PDE3B: variants seen among roughly 807,000 people sequenced by gnomAD.
PDE3B encodes phosphodiesterase 3B, also known as cGMP-inhibited 3',5'-cyclic phosphodiesterase 3B.
A neutral mutation model predicts 116.8 loss-of-function variants in PDE3B; 66 were observed. The observed-to-expected ratio is 0.56, with a 90% CI of 0.46 to 0.69. PDE3B has a LOEUF of 0.69. PDE3B is among the 30% of genes least tolerant of loss of function. PDE3B has a pLI of 0.00. For missense variants in PDE3B, 1,384 were observed against 1,368.1 expected (o/e 1.01, Z -0.18); for synonymous variants, 595 against 533.6 (o/e 1.12, Z -1.59).
intron 1 of PDE3B, among the ~76,000 whole-genome samples, chr11:14,738,018 T>C (rs1856652616): frequency 6.6e-6 from 1 of 152,128 alleles, no homozygotes; most frequent in East Asian, 1.9e-4. Context: ...CAGTCTATCA[T>C]TGTTGAACAT....
chr11:14,801,396 T>C (rs922451058), intron 4 of PDE3B, among the ~76,000 whole-genome samples: 1 of 152,248 alleles, frequency 6.6e-6, no homozygotes, highest in Non-Finnish European at 1.5e-5. Context: ...GCCCCTTTGC[T>C]TCCGGTCTGC....
intron 4 of PDE3B, among the ~76,000 whole-genome samples, chr11:14,792,975 T>C (rs1009808239): frequency 6.6e-5 from 10 of 150,460 alleles, no homozygotes; most frequent in African/African-American, 2.5e-4. Flanking sequence ...ACTACTCCTC[T>C]AAAGCCTGTT....
intron 1 of PDE3B, among the ~76,000 whole-genome samples, chr11:14,704,152 A>G (rs1855458569): frequency 6.6e-6 from 1 of 151,786 alleles, no homozygotes; most frequent in Non-Finnish European, 1.5e-5. Flanking sequence ...AGCAATATTC[A>G]TGATAAAAAG....
At chr11:14,797,769 A>G (rs1208735042) in intron 4 of PDE3B, among the ~76,000 whole-genome samples, 2 of 152,108 alleles carry the variant, frequency 1.3e-5, no homozygotes, top group South Asian at 2.1e-4. Flanking sequence ...TGATTTTTGC[A>G]TATTGATTTT....
In PDE3B at chr11:14,777,578, C is replaced by G. The variant is rs142608256; in HGVS notation, c.1029+5591C>G. 4.5e-3 allele frequency among the ~76,000 whole-genome samples: 686 copies of G among 152,196 alleles called. 3 individuals are homozygous for G. Among genetic ancestry groups the G allele is most frequent in the African/African-American group, 0.015 (612 of 41,522 alleles). ...AGATTTCTCATTTAAAACCATGAAGCCCAGAAGGAAGTGGCAGAACACTTT... is the reference window on the plus strand; with the variant it reads ...AGATTTCTCATTTAAAACCATGAAGGCCAGAAGGAAGTGGCAGAACACTTT... On this transcript the variant is annotated intron_variant, in intron 2 of 15. Coordinates refer to ENST00000282096, the MANE Select transcript of PDE3B (RefSeq NM_000922.4).
In PDE3B at chr11:14,681,735, T is replaced by G. The variant is rs1236408518; in HGVS notation, c.978+36682T>G. On this transcript the variant is annotated intron_variant, in intron 1 of 15. Transcript: ENST00000282096. ...TAGTATATAGAAATACAATTGAGTT[T>G]TGTGTGTTGGCTTTGTATTCTGTGA... 5.3e-5 allele frequency among the ~76,000 whole-genome samples: 8 copies of G among 152,328 alleles called. No individual in the cohort carries two copies. In the South Asian group the frequency reaches 1.7e-3, roughly 32 times the overall value.
the PDE3B span, chr11:14,879,319 A>G: frequency 6.2e-7 from 1 of 1,613,206 alleles, no homozygotes; most frequent in Non-Finnish European, 8.5e-7. Context: ...TCCCTAATGG[A>G]ACTATATTAC....
At chr11:14,793,647 C>T (rs965656561) in intron 4 of PDE3B, among the ~76,000 whole-genome samples, 1 of 152,108 alleles carries the variant, frequency 6.6e-6, no homozygotes, top group Non-Finnish European at 1.5e-5. Context: ...TCTTTTTGAA[C>T]AGGTTTTCCC....
the PDE3B span, among the ~76,000 whole-genome samples, chr11:14,897,303 A>G: frequency 1.3e-5 from 2 of 152,188 alleles, no homozygotes; most frequent in South Asian, 4.1e-4. Flanking sequence ...TAATACCCTG[A>G]TGATGATGAA....
chr11:14,745,379 C>G (rs1856884939), intron 1 of PDE3B, among the ~76,000 whole-genome samples: 1 of 151,892 alleles, frequency 6.6e-6, no homozygotes, highest in Admixed American at 6.6e-5. Flanking sequence ...TGTGATCTAA[C>G]TATATTGATT....
the PDE3B span, among the ~76,000 whole-genome samples, chr11:14,893,929 G>T: frequency 6.6e-6 from 1 of 152,102 alleles, no homozygotes; most frequent in Non-Finnish European, 1.5e-5. Flanking sequence ...CAGATATGGG[G>T]GAAAATATTC....
chr11:14,718,014 T>C (rs1373001405), intron 1 of PDE3B, among the ~76,000 whole-genome samples: 5 of 149,856 alleles, frequency 3.3e-5, no homozygotes, highest in Admixed American at 6.6e-5. Flanking sequence ...GTGTGCTGTA[T>C]TCAGGAAACC....
chr11:14,835,355 T>G (rs867846052), intron 11 of PDE3B, among the ~76,000 whole-genome samples: 32 of 152,330 alleles, frequency 2.1e-4, no homozygotes, highest in African/African-American at 7.5e-4. Flanking sequence ...CTATCATGTT[T>G]CCTTCTTTCC....
chr11:14,726,821 G>A (rs959626523), intron 1 of PDE3B, among the ~76,000 whole-genome samples: 1 of 152,170 alleles, frequency 6.6e-6, no homozygotes, highest in Non-Finnish European at 1.5e-5. Context: ...AATCAGACTG[G>A]AGTATGACAG....
the PDE3B span, among the ~76,000 whole-genome samples, chr11:14,881,173 A>C: frequency 6.6e-6 from 1 of 152,164 alleles, no homozygotes; most frequent in Non-Finnish European, 1.5e-5. Flanking sequence ...TTCTAGGATT[A>C]GAAATTTTCT....
At chr11:14,712,560 C>T (rs868093033) in intron 1 of PDE3B, among the ~76,000 whole-genome samples, 19 of 146,766 alleles carry the variant, frequency 1.3e-4, no homozygotes, top group South Asian at 2.2e-4. Context: ...CTACAGTCTC[C>T]GCCTCGCAGG....
chr11:14,756,492 C>A (rs1328511126), intron 1 of PDE3B, among the ~76,000 whole-genome samples: 1 of 152,146 alleles, frequency 6.6e-6, no homozygotes, highest in African/African-American at 2.4e-5. Flanking sequence ...GGAGGTGATA[C>A]CCCACCTACA....
At chr11:14,804,365 T>C (rs2133935127) in intron 5 of PDE3B, among the ~76,000 whole-genome samples, 1 of 152,188 alleles carries the variant, frequency 6.6e-6, no homozygotes, top group Middle Eastern at 3.4e-3. Context: ...AGAGTATTTT[T>C]TTTTTTCATA....
chr11:14,776,572 C>G (rs2133903196), intron 2 of PDE3B: 1 of 151,906 alleles, frequency 6.6e-6, no homozygotes, highest in Non-Finnish European at 1.5e-5. Flanking sequence ...CAGCATGGCA[C>G]ATGTATACAT....
Sources: allele counts gnomAD v4.1 joint callset (sites outside exome capture counted in the v4.1 genomes callset), GRCh38; gene constraint gnomAD v4.1.1; transcripts MANE v1.5; gene names NCBI Gene and HGNC (gene_info 2026-07-23, HGNC 2026-07-21).